Variants in ZHX2 observed in about 807,000 individuals in gnomAD.
ZHX2 encodes zinc fingers and homeoboxes 2.
A neutral mutation model predicts 21.9 loss-of-function variants in ZHX2; 6 were observed. That is an observed-to-expected ratio of 0.27 (90% CI 0.15 to 0.54). The LOEUF (loss-of-function observed/expected upper bound fraction) is 0.54, where lower values mean the gene tolerates loss of function less well. Ranked by LOEUF, ZHX2 falls within the 20% of genes least tolerant of loss-of-function variation. The probability of loss-of-function intolerance (pLI) is 0.95; values close to 1 mark genes in which losing one functional copy is unlikely to be tolerated. For synonymous variants in ZHX2, 434 were observed against 437.1 expected, an observed-to-expected ratio of 0.99 and a Z score of 0.09; for missense variants, 908 against 1,090.7, an observed-to-expected ratio of 0.83 and a Z score of 2.36.
chr8:122,831,774 T>C (rs1818383738), intron 1 of ZHX2, among the ~76,000 whole-genome samples: 2 of 152,156 alleles, frequency 1.3e-5, no homozygotes, highest in Admixed American at 1.3e-4. Flanking sequence ...TTTTTTGCAG[T>C]TAGGATACCC....
chr8:122,817,791 G>A (rs1009389552), intron 1 of ZHX2, among the ~76,000 whole-genome samples: 1 of 152,202 alleles, frequency 6.6e-6, no homozygotes, highest in African/African-American at 2.4e-5. Context: ...GAGGCTAGAT[G>A]GCCTGTGGAC....
chr8:122,799,251 C>T (rs75964306), intron 1 of ZHX2, among the ~76,000 whole-genome samples: 150 of 152,308 alleles, frequency 9.8e-4, no homozygotes, highest in Non-Finnish European at 1.9e-3. Context: ...CATCTCCCCA[C>T]GCAGCTGCAA....
intron 2 of ZHX2, among the ~76,000 whole-genome samples, chr8:122,929,034 T>C (rs1428807172): frequency 6.6e-6 from 1 of 152,234 alleles, no homozygotes. Context: ...TCAATCAATA[T>C]TATTTGATTC....
intron 1 of ZHX2, among the ~76,000 whole-genome samples, chr8:122,797,934 C>T (rs1817643775): frequency 6.6e-6 from 1 of 152,176 alleles, no homozygotes; most frequent in South Asian, 2.1e-4. Flanking sequence ...GGCCGATTCT[C>T]AGAACTGCAC....
intron 1 of ZHX2, among the ~76,000 whole-genome samples, chr8:122,822,219 G>A (rs900082079): frequency 3.3e-5 from 5 of 152,154 alleles, no homozygotes; most frequent in Non-Finnish European, 7.3e-5. Flanking sequence ...CGATTTTAGT[G>A]CTAAGTGAAC....
chr8:122,791,009 C>T (rs1817508013), intron 1 of ZHX2, among the ~76,000 whole-genome samples: 2 of 152,246 alleles, frequency 1.3e-5, no homozygotes, highest in Non-Finnish European at 2.9e-5. Context: ...TTGTGCCACA[C>T]TGATGTTCAT....
At chr8:122,873,104 G>A (rs1022057185) in intron 2 of ZHX2, among the ~76,000 whole-genome samples, 15 of 152,232 alleles carry the variant, frequency 9.9e-5, no homozygotes, top group African/African-American at 3.4e-4. Context: ...CCAAGAATGG[G>A]TGGTGAGGAA....
chr8:122,852,412 C>T (rs919876976), intron 1 of ZHX2, among the ~76,000 whole-genome samples: 1 of 152,086 alleles, frequency 6.6e-6, no homozygotes, highest in African/African-American at 2.4e-5. Flanking sequence ...ATTCCCCAAA[C>T]CACTCTTGGA....
chr8:122,849,223 C>T (rs1818830203), intron 1 of ZHX2, among the ~76,000 whole-genome samples: 2 of 152,322 alleles, frequency 1.3e-5, no homozygotes, highest in Admixed American at 1.3e-4. Flanking sequence ...CTCTGAGTCT[C>T]CGTTTCCCCA....
intron 1 of ZHX2, among the ~76,000 whole-genome samples, chr8:122,845,583 A>C (rs112476030): frequency 1.5e-3 from 227 of 152,346 alleles, no homozygotes; most frequent in Non-Finnish European, 2.8e-3. Flanking sequence ...AAACAATAAG[A>C]TGTACAGATG....
chr8:122,904,176 GC>G (rs571632007), intron 2 of ZHX2, among the ~76,000 whole-genome samples: 1 of 151,970 alleles, frequency 6.6e-6, no homozygotes, highest in East Asian at 1.9e-4. Context: ...CCCAACAAAA[GC>G]CCCCCCAAAA....
At chr8:122,895,283 G>T (rs1445794816) in intron 2 of ZHX2, among the ~76,000 whole-genome samples, 1 of 152,162 alleles carries the variant, frequency 6.6e-6, no homozygotes, top group African/African-American at 2.4e-5. Flanking sequence ...AATTAAATTA[G>T]GTGACACTTT....
At chr8:122,911,141 A>G (rs554952989) in intron 2 of ZHX2, among the ~76,000 whole-genome samples, 3 of 152,142 alleles carry the variant, frequency 2.0e-5, no homozygotes, top group Non-Finnish European at 4.4e-5. Context: ...CATACTTCTC[A>G]CTGTGGGTCT....
chr8:122,838,702 C>T (rs562389461), intron 1 of ZHX2, among the ~76,000 whole-genome samples: 22 of 151,638 alleles, frequency 1.5e-4, no homozygotes, highest in African/African-American at 4.6e-4. Context: ...CTCAGCCTCC[C>T]GAGTAGCTGG....
chr8:122,781,682 T>C lies in ZHX2; in HGVS notation c.-547T>C, dbSNP rs1230420579. The C allele has an allele frequency of 6.6e-6, 1 of 152,338 alleles. No homozygotes were observed. Among genetic ancestry groups the C allele is most frequent in the Non-Finnish European group, 1.5e-5 (1 of 67,976 alleles). The allele number at this position is 152,338 out of a possible 1,614,324, so 9.4% of individuals were successfully genotyped here. A position where few individuals can be genotyped will look rare whatever the true frequency, so the allele number is the denominator to read the frequency against. On this transcript the variant is annotated 5_prime_UTR_variant, in exon 1 of 4. Transcript: ENST00000314393. This position sits in a 1 kb window ranked among gnomAD's most constrained non-coding sequence, Gnocchi z 4.6. ...GTGGGTTTTGGCGTAGATTCCCCACTGATCGAGGCATTTTTTTTCCCTTTT... is the reference window on the plus strand; with the variant it reads ...GTGGGTTTTGGCGTAGATTCCCCACCGATCGAGGCATTTTTTTTCCCTTTT...
rs1182464434 is a variant in ZHX2, at chr8:122,781,911, CCAGCCCGGGTCCCCGCGTTCA to C, written c.-311_-291del. ...ACGCCCGTGCCGCGTCTCCGCGTTC[CCAGCCCGGGTCCCCGCGTTCA>C]CAGCCCCAGCGCAGGTAAGAAACTT... is the stretch of plus-strand genomic sequence containing the variant. On this transcript the variant is annotated 5_prime_UTR_variant, in exon 1 of 4. Coordinates refer to ENST00000314393, the MANE Select transcript of ZHX2 (RefSeq NM_014943.5). The surrounding 1 kb of genome is among the most constrained non-coding windows in gnomAD (Gnocchi z 4.6). 1 of 152,204 alleles carries C rather than the reference CCAGCCCGGGTCCCCGCGTTCA, an allele frequency of 6.6e-6. No individual in the cohort carries two copies. Among genetic ancestry groups the C allele is most frequent in the Non-Finnish European group, 1.5e-5 (1 of 68,056 alleles). 9.4% of individuals were successfully genotyped at this position (152,204 alleles called of 1,614,324 possible). A position where few individuals can be genotyped will look rare whatever the true frequency, so the allele number is the denominator to read the frequency against.
chr8:122,904,923 A>C lies in ZHX2; in HGVS notation c.-220+41384A>C, dbSNP rs565778152. On this transcript the variant is annotated intron_variant, in intron 2 of 3. Transcript: ENST00000314393. The stretch of plus-strand genomic sequence containing the variant: ...AAATATAAACATGCTTCAAACAATA[A>C]AAAATAGAAATTCTCAGCAAATAAA... 2.0e-5 allele frequency among the ~76,000 whole-genome samples: 3 copies of C among 152,328 alleles called. No homozygotes were observed. The South Asian group carries it at 6.2e-4, about 32-fold the overall frequency.
chr8:122,919,676 G>A (rs931005645), intron 2 of ZHX2, among the ~76,000 whole-genome samples: 7 of 152,154 alleles, frequency 4.6e-5, no homozygotes, highest in South Asian at 4.1e-4. Flanking sequence ...CATGACAACC[G>A]TCAGAGGTGA....
intron 2 of ZHX2, among the ~76,000 whole-genome samples, chr8:122,906,450 G>T (rs765743621): frequency 6.6e-6 from 1 of 152,154 alleles, no homozygotes; most frequent in Non-Finnish European, 1.5e-5. Context: ...ATGGGGAATC[G>T]TAGCTGCGAC....
Sources: gnomAD v4.1 joint callset for allele counts (sites outside exome capture counted in the v4.1 genomes callset) on GRCh38, gnomAD v4.1.1 for gene constraint, Gnocchi (gnomAD v3.1) non-coding constraint, MANE v1.5 for transcripts, NCBI Gene and HGNC (gene_info 2026-07-23, HGNC 2026-07-21) for gene names.